Variants in PTPRT observed in about 807,000 individuals in gnomAD.
PTPRT encodes the protein receptor-type tyrosine-protein phosphatase T.
Under a neutral mutation model 176.8 loss-of-function variants are expected in PTPRT, and 56 were observed. That is an observed-to-expected ratio of 0.32 (90% CI 0.26 to 0.40). PTPRT has a LOEUF of 0.40. PTPRT is among the 10% of genes least tolerant of loss of function. PTPRT has a pLI of 1.00. For synonymous variants in PTPRT, 783 were observed against 739.0 expected, an observed-to-expected ratio of 1.06 and a Z score of -0.96; for missense variants, 1,540 against 1,908.2, an observed-to-expected ratio of 0.81 and a Z score of 3.60.
intron 15 of PTPRT, among the ~76,000 whole-genome samples, chr20:42,213,888 G>C (rs1217914387): frequency 1.3e-5 from 2 of 152,160 alleles, no homozygotes; most frequent in African/African-American, 4.8e-5. Context: ...TCTAGTTTGT[G>C]AGACATTGGT....
chr20:43,044,347 C>A (rs562102869), intron 1 of PTPRT, among the ~76,000 whole-genome samples: 38 of 152,188 alleles, frequency 2.5e-4, no homozygotes, highest in Middle Eastern at 3.4e-3. Context: ...ATAGTGTCCG[C>A]CAGGGAGACT....
At chr20:42,108,253 T>C (rs1176967591) in intron 23 of PTPRT, among the ~76,000 whole-genome samples, 1 of 18,762 alleles carries the variant, frequency 5.3e-5, no homozygotes, top group Non-Finnish European at 9.5e-5. Flanking sequence ...GCTGTGTTTA[T>C]TTCATTTCAG....
chr20:42,042,610 T>C, the PTPRT span, among the ~76,000 whole-genome samples: 2 of 152,182 alleles, frequency 1.3e-5, no homozygotes, highest in African/African-American at 2.4e-5. Context: ...TCTGAGCCGC[T>C]CTTTGGCACA....
chr20:42,890,574 A>T (rs1339802891), intron 1 of PTPRT, among the ~76,000 whole-genome samples: 1 of 152,208 alleles, frequency 6.6e-6, no homozygotes, highest in African/African-American at 2.4e-5. Flanking sequence ...AGTACAGGCT[A>T]GGGTGTCCTG....
At chr20:42,083,786 T>G (rs1453107150) in intron 29 of PTPRT, among the ~76,000 whole-genome samples, 1 of 152,190 alleles carries the variant, frequency 6.6e-6, no homozygotes, top group Non-Finnish European at 1.5e-5. Flanking sequence ...TCTCAATGAC[T>G]TTTCCTCAAA....
intron 16 of PTPRT, among the ~76,000 whole-genome samples, chr20:42,172,070 A>G (rs1990101138): frequency 6.6e-6 from 1 of 152,208 alleles, no homozygotes; most frequent in African/African-American, 2.4e-5. Context: ...ATACATTTAG[A>G]TTGATTAAAG....
chr20:43,123,024 T>C (rs1181483732), intron 1 of PTPRT, among the ~76,000 whole-genome samples: 1 of 152,014 alleles, frequency 6.6e-6, no homozygotes, highest in African/African-American at 2.4e-5. Context: ...CTGGCTAATT[T>C]TGTATTTTTA....
chr20:42,770,463 T>C (rs1047893117), intron 5 of PTPRT, among the ~76,000 whole-genome samples: 3 of 152,318 alleles, frequency 2.0e-5, no homozygotes, highest in African/African-American at 7.2e-5. Flanking sequence ...TAGTTCTATG[T>C]GTCGCCCTCT....
intron 16 of PTPRT, among the ~76,000 whole-genome samples, chr20:42,179,624 A>T (rs1990433291): frequency 2.0e-5 from 3 of 152,220 alleles, no homozygotes; most frequent in Non-Finnish European, 4.4e-5. Flanking sequence ...TTCATGCTAA[A>T]TAAATGATTT....
the PTPRT span, among the ~76,000 whole-genome samples, chr20:42,032,812 C>T: frequency 6.6e-6 from 1 of 152,118 alleles, no homozygotes; most frequent in Non-Finnish European, 1.5e-5. Context: ...AAGCAAGCTG[C>T]CATGTTGTGA....
chr20:42,363,300 AT>A (rs879370769), intron 9 of PTPRT, among the ~76,000 whole-genome samples: 4 of 30,552 alleles, frequency 1.3e-4, no homozygotes, highest in South Asian at 1.4e-3. Context: ...ATATATATAT[AT>A]TTTTTTTTTT....
At chr20:42,866,322 A>G (rs1223043106) in intron 2 of PTPRT, among the ~76,000 whole-genome samples, 1 of 152,160 alleles carries the variant, frequency 6.6e-6, no homozygotes, top group Admixed American at 6.5e-5. Flanking sequence ...AGGAAATGGA[A>G]CCCACGTGGC....
At chr20:42,523,998 A>T (rs60799795) in intron 7 of PTPRT, among the ~76,000 whole-genome samples, 11,927 of 143,064 alleles carry the variant, frequency 0.083, 848 homozygotes, top group African/African-American at 0.21. Context: ...CCCTATCTCT[A>T]AAAAAAAAAT....
chr20:42,860,669 CTGG>C (rs1201212899), intron 2 of PTPRT, among the ~76,000 whole-genome samples: 1 of 152,130 alleles, frequency 6.6e-6, no homozygotes, highest in Admixed American at 6.5e-5. Flanking sequence ...TGTTTCCTAA[CTGG>C]TGATTGGTAT....
intron 16 of PTPRT, among the ~76,000 whole-genome samples, chr20:42,184,929 C>G (rs902865524): frequency 2.6e-5 from 4 of 151,906 alleles, no homozygotes; most frequent in Non-Finnish European, 5.9e-5. Flanking sequence ...AGTCACTGCA[C>G]CCAGCTCATT....
chr20:42,263,350 GGCAT>G (rs2146970822), intron 13 of PTPRT, among the ~76,000 whole-genome samples: 1 of 147,240 alleles, frequency 6.8e-6, no homozygotes, highest in South Asian at 2.2e-4. Flanking sequence ...TAGGGCCACA[GGCAT>G]GCGCTGCCAT....
chr20:42,997,775 C>T (rs1424782281), intron 1 of PTPRT, among the ~76,000 whole-genome samples: 1 of 152,042 alleles, frequency 6.6e-6, no homozygotes, highest in Non-Finnish European at 1.5e-5. Context: ...TTGTTGGTAT[C>T]GTTCAGTAAC....
intron 2 of PTPRT, among the ~76,000 whole-genome samples, chr20:42,835,952 G>A (rs936247133): frequency 1.3e-5 from 2 of 152,082 alleles, no homozygotes; most frequent in African/African-American, 2.4e-5. Context: ...AGGTTTCTAC[G>A]AGATAGCACG....
In PTPRT at chr20:42,897,083, A is replaced by G. The variant is rs374465417; in HGVS notation, c.89-11151T>C. ...CAAAAATAATGGCAGGGCACGTTCC[A>G]ATTAGTGTTTGATTTATTTGCTTTA... On this transcript the variant is annotated intron_variant, in intron 1 of 30. Transcript: ENST00000373187. 2.8e-4 allele frequency among the ~76,000 whole-genome samples: 43 copies of G among 152,304 alleles called. 2 individuals carry two copies. The South Asian group carries it at 8.9e-3, about 32-fold the overall frequency.
Sources: allele counts gnomAD v4.1 joint callset (sites outside exome capture counted in the v4.1 genomes callset), GRCh38; gene constraint gnomAD v4.1.1; transcripts MANE v1.5; gene names NCBI Gene and HGNC (gene_info 2026-07-23, HGNC 2026-07-21).